VPS13D: variants seen among roughly 807,000 people sequenced by gnomAD.
VPS13D encodes vacuolar protein sorting 13 homolog D.
In VPS13D, 187 loss-of-function variants were observed where a neutral mutation model predicts 461.9. The ratio of observed to expected loss-of-function variants is 0.40; its 90% confidence interval spans 0.36 to 0.46. The LOEUF (loss-of-function observed/expected upper bound fraction) is 0.46, where lower values mean the gene tolerates loss of function less well. VPS13D is among the 20% of genes least tolerant of loss of function. The pLI is 0.60. For missense variants in VPS13D, 4,711 were observed against 5,364.9 expected (o/e 0.88, Z 3.81); for synonymous variants, 1,951 against 1,986.3 (o/e 0.98, Z 0.47).
At chr1:12,281,665 A>G (rs1270436656) in intron 20 of VPS13D, among the ~76,000 whole-genome samples, 1 of 152,098 alleles carries the variant, frequency 6.6e-6, no homozygotes, top group African/African-American at 2.4e-5. Context: ...GTTAAAGTGG[A>G]TAATTGTATT....
intron 35 of VPS13D, among the ~76,000 whole-genome samples, chr1:12,325,202 C>T (rs1643147803): frequency 6.6e-6 from 1 of 152,252 alleles, no homozygotes; most frequent in South Asian, 2.1e-4. Flanking sequence ...AAGCAATCCT[C>T]CTGCCTCAGC....
At chr1:12,479,292 A>G (rs890033907) in intron 67 of VPS13D, among the ~76,000 whole-genome samples, 1 of 152,242 alleles carries the variant, frequency 6.6e-6, no homozygotes, top group Non-Finnish European at 1.5e-5. Context: ...AGTCCTGTCC[A>G]TCAGCCAGTC....
intron 27 of VPS13D, among the ~76,000 whole-genome samples, chr1:12,310,672 T>C (rs1235910389): frequency 1.3e-5 from 2 of 152,214 alleles, no homozygotes; most frequent in Non-Finnish European, 2.9e-5. Context: ...TTCCCAAGTG[T>C]AATATTTAAG....
intron 9 of VPS13D, 49 bp from the exon 10 acceptor site, chr1:12,257,886 T>C (rs776328868): frequency 6.2e-7 from 1 of 1,606,422 alleles, no homozygotes; most frequent in Non-Finnish European, 8.5e-7. Flanking sequence ...GGTAGCCTTT[T>C]CGTTGCTTTT....
intron 36 of VPS13D, 72 bp from the exon 37 acceptor site, chr1:12,329,757 T>C (rs1643282416): frequency 1.8e-6 from 2 of 1,103,936 alleles, no homozygotes; most frequent in African/African-American, 1.6e-5. Context: ...AATGTTTCTT[T>C]AATGTCATCA....
In VPS13D at chr1:12,299,031, C is replaced by A. The variant is rs1359764113; in HGVS notation, c.6034-171C>A. On this transcript the variant is annotated intron_variant, in intron 24 of 69. Transcript: ENST00000620676. This position sits in a 1 kb window ranked among gnomAD's most constrained non-coding sequence, Gnocchi z 4.2. ...ACTTTCCAAATATTTGGGGATTTTCCATTATCTTCTTGTTACTGACTTCCA... is the reference window on the plus strand; with the variant it reads ...ACTTTCCAAATATTTGGGGATTTTCAATTATCTTCTTGTTACTGACTTCCA... Among the ~76,000 whole-genome samples, 2 of 152,072 alleles carry A rather than the reference C, an allele frequency of 1.3e-5. No individual in the cohort carries two copies. Among genetic ancestry groups the A allele is most frequent in the Non-Finnish European group, 2.9e-5 (2 of 68,024 alleles).
rs1641320242 is a variant in VPS13D, at chr1:12,267,892, A to T, written c.1773A>T (p.Thr591=). The stretch of plus-strand genomic sequence containing the variant: ...CACAATCTTTTGGTCTACAAACTAC[A>T]TCTGCAGACAGAAGTGATCATTACC... ...RVSQSFGLQT[T]SADRSDHYPA... The change falls in exon 15 of 70, where the codon ACA becomes ACT. Residue 591 remains threonine, a synonymous_variant. Coordinates refer to ENST00000620676, the MANE Select transcript of VPS13D (RefSeq NM_015378.4). 1 of 1,614,174 alleles carries T rather than the reference A, an allele frequency of 6.2e-7. No individual in the cohort carries two copies. The highest frequency in any genetic ancestry group is 8.5e-7 in the Non-Finnish European group (1 of 1,179,998).
chr1:12,289,020 T>G (rs946283195), intron 22 of VPS13D, among the ~76,000 whole-genome samples: 5 of 152,120 alleles, frequency 3.3e-5, no homozygotes, highest in African/African-American at 1.2e-4. Context: ...TTTTGTATTT[T>G]TGGTAGAGAC....
At chr1:12,430,328 T>A (rs1019660102) in intron 65 of VPS13D, among the ~76,000 whole-genome samples, 9 of 152,250 alleles carry the variant, frequency 5.9e-5, no homozygotes, top group Non-Finnish European at 1.3e-4. Context: ...TGAGTCACAG[T>A]GAAGGTAATT....
Position 12,456,045 on chromosome 1 carries a change from G to T in VPS13D, c.12381G>T (p.Arg4127=). ...SDGLGKTMDN[R]HQSEREYIRY... ...GCTTAGGGAAGACGATGGACAATCG[G>T]CATCAGTCAGAGCGGGAGTACATCA... The change falls in exon 66 of 70, where the codon CGG becomes CGT. Residue 4127 remains arginine, a synonymous_variant. Transcript: ENST00000620676. 1 of 1,613,632 alleles carries T rather than the reference G, an allele frequency of 6.2e-7. No homozygotes were observed. The highest frequency in any genetic ancestry group is 8.5e-7 in the Non-Finnish European group (1 of 1,179,776).
chr1:12,322,773 C>G (rs767624402), intron 34 of VPS13D, 27 bp downstream of exon 34: 1 of 1,602,878 alleles, frequency 6.2e-7, no homozygotes, highest in Admixed American at 1.7e-5. Context: ...AAAACCCACT[C>G]AGTCTTGCTA....
rs1643068817 is a variant in VPS13D, at chr1:12,322,566, T to C, written c.7735T>C (p.Ser2579Pro). Residue 2579 changes from serine to proline, a missense_variant, in exon 34 of 70, where the codon TCC becomes CCC. By Grantham distance (74) the Ser-to-Pro change is moderately conservative. This residue lies in a region of VPS13D where 4,411 missense variants were observed against 4,937.8 expected (regional missense o/e 0.89). Transcript: ENST00000620676. ...GTTACAAGCCCTGGATATCAGACTC[T>C]CCTATAATGATGTTCAGCTGTTTCT... ...IQLQALDIRL[S>P]YNDVQLFLAI... The C allele has an allele frequency of 6.2e-7, 1 of 1,614,114 alleles. No homozygotes were observed. The highest frequency in any genetic ancestry group is 1.3e-5 in the African/African-American group (1 of 74,936).
intron 27 of VPS13D, among the ~76,000 whole-genome samples, chr1:12,309,530 C>T (rs1234171079): frequency 2.7e-5 from 4 of 149,816 alleles, no homozygotes; most frequent in South Asian, 2.1e-4. Flanking sequence ...GAGGTCGAGG[C>T]GGCAGATCAC....
Position 12,276,778 on chromosome 1 carries a change from A to C in VPS13D, c.3190A>C (p.Thr1064Pro), listed in dbSNP as rs151332868. The C allele has an allele frequency of 1.9e-6, 3 of 1,614,212 alleles. No homozygotes were observed. Residue 1064 changes from threonine (T) to proline (P), a missense_variant, in exon 19 of 70, where the codon ACT becomes CCT. This residue lies in a region of VPS13D where 4,411 missense variants were observed against 4,937.8 expected (regional missense o/e 0.89). Transcript: ENST00000620676. The surrounding 1 kb of genome is among the most constrained non-coding windows in gnomAD (Gnocchi z 4.5). Reference sequence around the variant, plus strand: ...AGCTACACTGAACGACCGATCAGCTACTAGTGTTTCACTTGACAAAATTCT... The same window carrying C: ...AGCTACACTGAACGACCGATCAGCTCCTAGTGTTTCACTTGACAAAATTCT... ...DGATLNDRSA[T>P]SVSLDKILTK...
At position 12,272,857 on chromosome 1, in the gene VPS13D, A is replaced by T. The variant is rs892038417; in HGVS notation, c.2104-146A>T. 1.3e-5 allele frequency: 15 copies of T among 1,113,454 alleles called. No homozygotes were observed. The African/African-American group carries it at 2.2e-4, about 17-fold the overall frequency. The allele number at this position is 1,113,454 out of a possible 1,614,324, so 69.0% of individuals were successfully genotyped here. On this transcript the variant is annotated intron_variant, in intron 17 of 69. Transcript: ENST00000620676. ...CTCAGATCCTCAAGCATTTACATCT[A>T]CTTTTGTCTTAGACTTTTTGCTGTA... is the stretch of plus-strand genomic sequence containing the variant.
chr1:12,422,191 T>C (rs1644873092), intron 65 of VPS13D, among the ~76,000 whole-genome samples: 1 of 152,200 alleles, frequency 6.6e-6, no homozygotes, highest in Non-Finnish European at 1.5e-5. Context: ...GGGTACCTTT[T>C]TGATCCCATG....
chr1:12,353,584 A>G (rs1384655983), intron 46 of VPS13D, among the ~76,000 whole-genome samples: 2 of 151,542 alleles, frequency 1.3e-5, no homozygotes, highest in East Asian at 1.9e-4. Context: ...TACATACTGC[A>G]TGATTCCACT....
At chr1:12,411,065 C>T (rs1472984555) in intron 63 of VPS13D, among the ~76,000 whole-genome samples, 1 of 152,180 alleles carries the variant, frequency 6.6e-6, no homozygotes, top group Non-Finnish European at 1.5e-5. Flanking sequence ...TACCCATTAT[C>T]ACCACTTCTT....
At chr1:12,354,457 C>T (rs1284920447) in intron 47 of VPS13D, among the ~76,000 whole-genome samples, 2 of 152,008 alleles carry the variant, frequency 1.3e-5, no homozygotes, top group African/African-American at 4.8e-5. Flanking sequence ...TTACTTGAGT[C>T]TAGAAGTTCG....
Sources: allele counts gnomAD v4.1 joint callset (sites outside exome capture counted in the v4.1 genomes callset), GRCh38; gene constraint gnomAD v4.1.1; regional missense constraint gnomAD v4.1.1; non-coding constraint Gnocchi (gnomAD v3.1); transcripts MANE v1.5; gene names NCBI Gene and HGNC (gene_info 2026-07-23, HGNC 2026-07-21).